Variants in RARB observed in about 807,000 individuals in gnomAD.
RARB encodes retinoic acid receptor beta, also known as HBV-activated protein.
RARB carries 17 observed loss-of-function variants against 51.9 expected under a neutral mutation model. The ratio of observed to expected loss-of-function variants is 0.33; its 90% CI spans 0.22 to 0.49. RARB has a LOEUF of 0.49. Ranked by LOEUF, RARB falls within the 20% of genes least tolerant of loss-of-function variation. The pLI is 0.99. For synonymous variants in RARB, 215 were observed against 195.4 expected (o/e 1.10, Z -0.84); for missense variants, 369 against 550.8 (o/e 0.67, Z 3.30).
chr3:25,265,373 TTTGTATCAA>T (rs1303532499), intron 5 of RARB, among the ~76,000 whole-genome samples: 1 of 152,202 alleles, frequency 6.6e-6, no homozygotes, highest in Admixed American at 6.5e-5. Flanking sequence ...TCCAAAAATA[TTTGTATCAA>T]TTGACATCTC....
intron 4 of RARB, among the ~76,000 whole-genome samples, chr3:25,166,199 TTA>T (rs1445456156): frequency 6.6e-6 from 1 of 152,138 alleles, no homozygotes; most frequent in Non-Finnish European, 1.5e-5. Flanking sequence ...CGGCTTCTCT[TTA>T]AGTTGAGAGT....
intron 5 of RARB, among the ~76,000 whole-genome samples, chr3:25,311,823 TC>T (rs1704297245): frequency 6.6e-6 from 1 of 152,024 alleles, no homozygotes. Context: ...ACACAAACTC[TC>T]AAAAAACACA....
intron 3 of RARB, among the ~76,000 whole-genome samples, chr3:25,550,730 T>C (rs1559463131): frequency 6.6e-6 from 1 of 152,192 alleles, no homozygotes; most frequent in African/African-American, 2.4e-5. Context: ...TTTATCCCGA[T>C]GTTCTCCCTC....
At chr3:25,068,851 G>A (rs1001852836) in intron 3 of RARB, among the ~76,000 whole-genome samples, 5 of 152,016 alleles carry the variant, frequency 3.3e-5, no homozygotes, top group African/African-American at 1.2e-4. Context: ...AATTCTTTAT[G>A]GTTAGTATCA....
chr3:25,377,347 A>G (rs750346714), intron 5 of RARB, among the ~76,000 whole-genome samples: 15 of 152,206 alleles, frequency 9.9e-5, no homozygotes, highest in Non-Finnish European at 1.9e-4. Flanking sequence ...GTCCTTTACA[A>G]GGCAGACAGA....
chr3:25,131,124 G>T (rs890676819), intron 3 of RARB, among the ~76,000 whole-genome samples: 1 of 151,746 alleles, frequency 6.6e-6, no homozygotes, highest in African/African-American at 2.4e-5. Flanking sequence ...CAAGCTTCAA[G>T]GGAAAGTCAC....
chr3:25,522,270 A>G (rs896124184), intron 3 of RARB, among the ~76,000 whole-genome samples: 10 of 152,132 alleles, frequency 6.6e-5, no homozygotes, highest in Admixed American at 1.3e-4. Flanking sequence ...TCAAAATTGT[A>G]CTTTCTATGT....
intron 3 of RARB, among the ~76,000 whole-genome samples, chr3:25,555,850 A>T (rs1286764): frequency 0.5 from 76,138 of 152,014 alleles, 20,225 homozygotes; most frequent in African/African-American, 0.66. Context: ...CCTCTACCTT[A>T]GAAGGCATTA....
chr3:25,449,448 A>C (rs1709093556), intron 1 of RARB, among the ~76,000 whole-genome samples: 1 of 151,920 alleles, frequency 6.6e-6, no homozygotes, highest in Non-Finnish European at 1.5e-5. Context: ...TTTGTTCTTT[A>C]TGCTGGGTTA....
intron 4 of RARB, among the ~76,000 whole-genome samples, chr3:25,135,695 A>C (rs780439029): frequency 1.6e-4 from 25 of 152,034 alleles, no homozygotes; most frequent in Admixed American, 4.6e-4. Flanking sequence ...ACTTTTTTAA[A>C]AGCAAGTAGT....
At chr3:24,903,753 T>G (rs1184509168) in intron 2 of RARB, among the ~76,000 whole-genome samples, 1 of 152,186 alleles carries the variant, frequency 6.6e-6, no homozygotes, top group East Asian at 1.9e-4. Context: ...AGGAAGCATA[T>G]TCTGAGAAAC....
intron 5 of RARB, among the ~76,000 whole-genome samples, chr3:25,348,638 A>G (rs1321940755): frequency 6.6e-6 from 1 of 152,246 alleles, no homozygotes; most frequent in East Asian, 1.9e-4. Context: ...CACATGACCC[A>G]CAACTTACAG....
intron 3 of RARB, among the ~76,000 whole-genome samples, chr3:25,544,581 T>C (rs906804290): frequency 6.6e-6 from 1 of 152,148 alleles, no homozygotes; most frequent in Non-Finnish European, 1.5e-5. Flanking sequence ...AAAATCCTCC[T>C]CCTCTTCCTT....
intron 5 of RARB, among the ~76,000 whole-genome samples, chr3:25,249,120 CATTCTTTTTT>C (rs555394744): frequency 7.1e-4 from 108 of 152,128 alleles, no homozygotes; most frequent in Non-Finnish European, 1.3e-3. Context: ...GGGCATTCTT[CATTCTTTTTT>C]ATTCTTTTTT....
chr3:25,351,743 C>T (rs530667577), intron 5 of RARB, among the ~76,000 whole-genome samples: 6 of 152,126 alleles, frequency 3.9e-5, no homozygotes, highest in Non-Finnish European at 7.4e-5. Flanking sequence ...CTTGTTCCAT[C>T]CCCATCCTCA....
chr3:24,931,674 A>G (rs1035698881), intron 2 of RARB, among the ~76,000 whole-genome samples: 1 of 152,090 alleles, frequency 6.6e-6, no homozygotes, highest in African/African-American at 2.4e-5. Flanking sequence ...AGACCTCACA[A>G]CGTGTCTTTG....
At chr3:25,149,389 T>C (rs775520740) in intron 4 of RARB, among the ~76,000 whole-genome samples, 2 of 152,220 alleles carry the variant, frequency 1.3e-5, no homozygotes, top group African/African-American at 2.4e-5. Context: ...TGGAATAATA[T>C]TTGGTATATA....
chr3:24,906,362 C>T (rs547675422), intron 2 of RARB, among the ~76,000 whole-genome samples: 1 of 152,254 alleles, frequency 6.6e-6, no homozygotes, highest in African/African-American at 2.4e-5. Context: ...AATGAAAATT[C>T]AGAATGCTTC....
chr3:25,465,528 G>A (rs1695387540), intron 2 of RARB, among the ~76,000 whole-genome samples: 1 of 152,190 alleles, frequency 6.6e-6, no homozygotes, highest in African/African-American at 2.4e-5. Context: ...ATTTGGGGAA[G>A]AGAACTTTCC....
Sources: allele counts gnomAD v4.1 joint callset (sites outside exome capture counted in the v4.1 genomes callset), GRCh38; gene constraint gnomAD v4.1.1; transcripts MANE v1.5; gene names NCBI Gene and HGNC (gene_info 2026-07-23, HGNC 2026-07-21).